ZNF480: variants seen among roughly 807,000 people sequenced by gnomAD.
ZNF480 encodes zinc finger protein 480.
Under a neutral mutation model 14.4 loss-of-function variants are expected in ZNF480, and 15 were observed. The ratio of observed to expected loss-of-function variants is 1.04; its 90% CI spans 0.70 to 1.60. The LOEUF (loss-of-function observed/expected upper bound fraction) is 1.60. Ranked by LOEUF, ZNF480 falls within the 40% of genes most tolerant of loss-of-function variation. The pLI, the probability that ZNF480 is intolerant of heterozygous loss-of-function variation, is 0.00. For synonymous variants in ZNF480, 218 were observed against 215.5 expected (o/e 1.01, Z -0.10); for missense variants, 593 against 629.7 (o/e 0.94, Z 0.62).
At chr19:52,297,733 C>G (rs1982478682) in intron 1 of ZNF480, 1 of 154,126 alleles carries the variant, frequency 6.5e-6, no homozygotes, top group Non-Finnish European at 1.4e-5. Context: ...TTCCCAGACA[C>G]CGCTTCTCCT....
In ZNF480 at chr19:52,321,533, G is replaced by A. The variant is rs368323496; in HGVS notation, c.329-46G>A. 4 of 1,487,464 alleles carry A rather than the reference G, an allele frequency of 2.7e-6. No homozygotes were observed. In the African/African-American group the frequency reaches 4.2e-5, roughly 16 times the overall value. The allele number at this position is 1,487,464 out of a possible 1,614,324, so 92.1% of individuals were successfully genotyped here. A position where few individuals can be genotyped will look rare whatever the true frequency, so the allele number is the denominator to read the frequency against. ...AGTATTTTCATCAGACTCTAAACAT[G>A]CCAGAATTATGGGGTCTGAATTTTA... On this transcript the variant is annotated intron_variant, in intron 4 of 4. Coordinates refer to ENST00000595962, the MANE Select transcript of ZNF480 (RefSeq NM_144684.4).
intron 2 of ZNF480, among the ~76,000 whole-genome samples, chr19:52,309,321 C>T (rs1983156984): frequency 6.6e-6 from 1 of 152,146 alleles, no homozygotes; most frequent in African/African-American, 2.4e-5. Context: ...TGCTTGTTAC[C>T]TCCTCACTGA....
At chr19:52,308,013 A>T (rs1291702342) in intron 2 of ZNF480, among the ~76,000 whole-genome samples, 1 of 152,156 alleles carries the variant, frequency 6.6e-6, no homozygotes, top group African/African-American at 2.4e-5. Flanking sequence ...CAGTCCTTCT[A>T]ACCTCACTTA....
At chr19:52,313,427 C>A (rs926849266) in intron 2 of ZNF480, among the ~76,000 whole-genome samples, 1 of 151,948 alleles carries the variant, frequency 6.6e-6, no homozygotes, top group Non-Finnish European at 1.5e-5. Flanking sequence ...CGTGAGCCAC[C>A]ATGCCTGGCC....
At chr19:52,309,805 T>C (rs1206436912) in intron 2 of ZNF480, among the ~76,000 whole-genome samples, 1 of 152,158 alleles carries the variant, frequency 6.6e-6, no homozygotes, top group African/African-American at 2.4e-5. Flanking sequence ...CTTGTTTAAT[T>C]TGTGTCCACA....
At chr19:52,309,803 A>T (rs546999552) in intron 2 of ZNF480, among the ~76,000 whole-genome samples, 2 of 152,146 alleles carry the variant, frequency 1.3e-5, no homozygotes, top group South Asian at 4.2e-4. Flanking sequence ...TTCTTGTTTA[A>T]TTTGTGTCCA....
chr19:52,303,059 T>C (rs11880474), intron 2 of ZNF480, among the ~76,000 whole-genome samples: 15,527 of 152,204 alleles, frequency 0.1, 1,527 homozygotes, highest in African/African-American at 0.25. Flanking sequence ...GCATTTTTAA[T>C]TGTGTGGAAT....
chr19:52,309,332 AG>A (rs1417358435), intron 2 of ZNF480, among the ~76,000 whole-genome samples: 4 of 151,984 alleles, frequency 2.6e-5, no homozygotes, highest in Non-Finnish European at 5.9e-5. Context: ...TCCTCACTGA[AG>A]GGGGTGACCA....
intron 4 of ZNF480, among the ~76,000 whole-genome samples, chr19:52,317,233 G>A (rs321904): frequency 0.027 from 4,138 of 151,988 alleles, 179 homozygotes; most frequent in African/African-American, 0.091. Flanking sequence ...GGCCAGGCTC[G>A]TCTTGAACTC....
chr19:52,315,866 A>G lies in ZNF480; in HGVS notation c.232A>G (p.Met78Val). 6.2e-7 allele frequency: 1 copy of G among 1,612,922 alleles called. No individual in the cohort carries two copies. Among genetic ancestry groups the G allele is most frequent in the Non-Finnish European group, 8.5e-7 (1 of 1,179,330 alleles). Reference sequence around the variant, plus strand: ...TCTTCCTGACCTGAATATTAACTCCATGTTGGAGCAAAGGAGGGAGCCCTG... The same window carrying G: ...TCTTCCTGACCTGAATATTAACTCCGTGTTGGAGCAAAGGAGGGAGCCCTG... ...ISLPDLNINS[M>V]LEQRREPWSG... Residue 78 changes from methionine (M) to valine (V), a missense_variant, in exon 4 of 5, where the codon ATG (methionine) becomes GTG (valine). Transcript: ENST00000595962.
intron 1 of ZNF480, among the ~76,000 whole-genome samples, chr19:52,299,552 C>T (rs1423844958): frequency 6.6e-6 from 1 of 152,164 alleles, no homozygotes; most frequent in Non-Finnish European, 1.5e-5. Context: ...GCCTCATTCA[C>T]AGAACTCAAG....
intron 2 of ZNF480, among the ~76,000 whole-genome samples, chr19:52,305,302 TC>T (rs1234047017): frequency 6.6e-6 from 1 of 152,200 alleles, no homozygotes; most frequent in Non-Finnish European, 1.5e-5. Context: ...CTCTCCTGTA[TC>T]TACCAATCCT....
chr19:52,315,166 C>T lies in ZNF480; in HGVS notation c.200-668C>T, dbSNP rs1983488316. ...TTTTTACAATGTTGGCCAGGCTGGT[C>T]TCAAAGTCCTGGGCTCAAGCAATCC... On this transcript the variant is annotated intron_variant, in intron 3 of 4. Coordinates refer to ENST00000595962, the MANE Select transcript of ZNF480 (RefSeq NM_144684.4). Among the ~76,000 whole-genome samples the T allele has an allele frequency of 2.0e-5, 3 of 152,046 alleles. No individual in the cohort carries two copies. The South Asian group carries it at 6.2e-4, about 32-fold the overall frequency.
At chr19:52,302,726 A>G (rs1190518542) in intron 2 of ZNF480, among the ~76,000 whole-genome samples, 2 of 152,236 alleles carry the variant, frequency 1.3e-5, no homozygotes, top group Non-Finnish European at 2.9e-5. Context: ...CTCGAGGATT[A>G]ACTCCTCCTG....
intron 3 of ZNF480, among the ~76,000 whole-genome samples, chr19:52,314,503 A>T (rs572974889): frequency 6.6e-6 from 1 of 151,276 alleles, no homozygotes; most frequent in Non-Finnish European, 1.5e-5. Context: ...AAAAAACCAA[A>T]AAAACCCTTA....
In ZNF480 at chr19:52,325,241, T is replaced by G. The variant is rs1984040103; in HGVS notation, c.*2383T>G. ...ATCTCAGACCTGTCTGAATGGGTAT[T>G]ATCAGAATGGGTATTATTAAAAAAT... On this transcript the variant is annotated 3_prime_UTR_variant, in exon 5 of 5. Transcript: ENST00000595962. 6.6e-6 allele frequency: 1 copy of G among 152,188 alleles called. No individual in the cohort carries two copies. The highest frequency in any genetic ancestry group is 6.5e-5 in the Admixed American group (1 of 15,280). The allele number at this position is 152,188 out of a possible 1,614,324, so 9.4% of individuals were successfully genotyped here. A position where few individuals can be genotyped will look rare whatever the true frequency, so the allele number is the denominator to read the frequency against.
At position 52,297,709 on chromosome 19, in the gene ZNF480, C is replaced by T. The variant is rs115485686; in HGVS notation, c.-20+486C>T. ...CTCCTTGATACGGGGCCCCGCTACT[C>T]CCCAGGCCTCCTCTTCCCAGACACC... On this transcript the variant is annotated intron_variant, in intron 1 of 4. Coordinates refer to ENST00000595962, the MANE Select transcript of ZNF480 (RefSeq NM_144684.4). 698 of 154,924 alleles carry T rather than the reference C, an allele frequency of 4.5e-3. 8 individuals are homozygous for T. The highest frequency in any genetic ancestry group is 0.016 in the African/African-American group (665 of 41,554). The allele number at this position is 154,924 out of a possible 1,614,324, so 9.6% of individuals were successfully genotyped here.
rs184257125 is a variant in ZNF480, at chr19:52,317,057, G to A, written c.328+1095G>A. ...TTTTGAGACAGTGTCTCACTGTCTC[G>A]CCCAGGCTGAAGTGCAGTGGCGTGA... On this transcript the variant is annotated intron_variant, in intron 4 of 4. Transcript: ENST00000595962. 7.2e-4 allele frequency among the ~76,000 whole-genome samples: 110 copies of A among 152,114 alleles called. 1 individual carries two copies. Among genetic ancestry groups the A allele is most frequent in the African/African-American group, 2.1e-3 (88 of 41,500 alleles).
chr19:52,318,557 CCTT>C (rs1478824545), intron 4 of ZNF480, among the ~76,000 whole-genome samples: 1 of 152,120 alleles, frequency 6.6e-6, no homozygotes, highest in Non-Finnish European at 1.5e-5. Flanking sequence ...TGTATATTTA[CCTT>C]CTTTCCTGTA....
Sources: gnomAD v4.1 joint callset for allele counts (sites outside exome capture counted in the v4.1 genomes callset) on GRCh38, gnomAD v4.1.1 for gene constraint, MANE v1.5 for transcripts, NCBI Gene and HGNC (gene_info 2026-07-23, HGNC 2026-07-21) for gene names.